Variants in SAFB observed in about 807,000 individuals in gnomAD.
SAFB encodes scaffold attachment factor B1.
Under a neutral mutation model 101.6 loss-of-function variants are expected in SAFB, and 15 were observed. The observed-to-expected ratio is 0.15, with a 90% confidence interval of 0.10 to 0.23. SAFB has a LOEUF of 0.23. Ranked by LOEUF, SAFB falls within the 10% of genes least tolerant of loss-of-function variation. The pLI is 1.00. For missense variants in SAFB, 930 were observed against 1,104.1 expected, an observed-to-expected ratio of 0.84 and a Z score of 2.23; for synonymous variants, 449 against 407.5, an observed-to-expected ratio of 1.10 and a Z score of -1.23.
intron 20 of SAFB, 104 bp from the exon 21 acceptor site, chr19:5,668,058 G>A (rs1295265600): frequency 7.3e-6 from 11 of 1,512,068 alleles, no homozygotes; most frequent in East Asian, 2.3e-5. Context: ...AGGGCATTAG[G>A]AAGGGGCCCT....
At chr19:5,638,503 A>C (rs752088738) in intron 2 of SAFB, among the ~76,000 whole-genome samples, 24 of 151,354 alleles carry the variant, frequency 1.6e-4, no homozygotes, top group Non-Finnish European at 3.5e-4. Flanking sequence ...TTGTATTTTT[A>C]GTAGAGCTGG....
intron 5 of SAFB, among the ~76,000 whole-genome samples, chr19:5,647,150 A>C (rs557448405): frequency 1.3e-5 from 2 of 152,334 alleles, no homozygotes; most frequent in African/African-American, 4.8e-5. Flanking sequence ...CATCATGTGG[A>C]AAAAGCTCCT....
In SAFB at chr19:5,625,791, A is replaced by T. The variant is rs10518245; in HGVS notation, c.190-614A>T. Among the ~76,000 whole-genome samples, 4 of 152,046 alleles carry T rather than the reference A, an allele frequency of 2.6e-5. No individual in the cohort carries two copies. In the East Asian group the frequency reaches 5.8e-4, roughly 22 times the overall value. ...ATGAGGCACAATCACCTAGTGGTTG[A>T]GAATGAGGTACTGGAGTCGGTTGTG... is the stretch of plus-strand genomic sequence containing the variant. On this transcript the variant is annotated intron_variant, in intron 1 of 20. Transcript: ENST00000588852.
At chr19:5,661,929 G>C (rs2145487679) in intron 15 of SAFB, 121 bp downstream of exon 15, 1 of 770,834 alleles carries the variant, frequency 1.3e-6, no homozygotes, top group East Asian at 2.7e-5. Context: ...TTGTCGCGGA[G>C]GCTGGAGTGC....
At chr19:5,636,618 AT>A (rs1258766138) in intron 2 of SAFB, among the ~76,000 whole-genome samples, 1 of 152,062 alleles carries the variant, frequency 6.6e-6, no homozygotes, top group Non-Finnish European at 1.5e-5. Context: ...TAGGTTTGGA[AT>A]TTTTGTCTTT....
chr19:5,649,818 C>T, intron 7 of SAFB, 108 bp from the exon 8 acceptor site: 1 of 1,009,642 alleles, frequency 9.9e-7, no homozygotes, highest in African/African-American at 1.6e-5. Context: ...ATCATTTTTT[C>T]AGAACTAAAT....
At chr19:5,629,952 A>C (rs2053453142) in intron 2 of SAFB, among the ~76,000 whole-genome samples, 2 of 152,140 alleles carry the variant, frequency 1.3e-5, no homozygotes, top group African/African-American at 4.8e-5. Context: ...TAAGGCAAGA[A>C]GATAGCTTGA....
intron 2 of SAFB, among the ~76,000 whole-genome samples, chr19:5,630,322 G>A (rs2053461319): frequency 6.6e-6 from 1 of 152,036 alleles, no homozygotes; most frequent in African/African-American, 2.4e-5. Flanking sequence ...TGGGTTGTTT[G>A]TCTTATTGAG....
chr19:5,626,493 T>C lies in SAFB; in HGVS notation c.274+4T>C. 1.9e-6 allele frequency: 3 copies of C among 1,562,388 alleles called. No homozygotes were observed. The highest frequency in any genetic ancestry group is 2.6e-6 in the Non-Finnish European group (3 of 1,135,388). ...ACATCAAAGAGGTCTAGCAAAGGTA[T>C]GGAGGATTTCATAAGCAAGTTTCAT... On this transcript the variant is annotated splice_donor_region_variant and intron_variant, in intron 2 of 20. Coordinates refer to ENST00000588852, the MANE Select transcript of SAFB (RefSeq NM_001201338.2).
rs188201392 is a variant in SAFB, at chr19:5,666,972, G to A, written c.2335-74G>A. On this transcript the variant is annotated intron_variant, in intron 17 of 20. Coordinates refer to ENST00000588852, the MANE Select transcript of SAFB (RefSeq NM_001201338.2). ...TGACTGTCGTTGTCATCGTTAGCATGTTGCCTGAAAAGCCTTGGGGTCTGG... is the reference window on the plus strand; with the variant it reads ...TGACTGTCGTTGTCATCGTTAGCATATTGCCTGAAAAGCCTTGGGGTCTGG... 1,804 of 900,804 alleles carry A rather than the reference G, an allele frequency of 2.0e-3. 9 individuals are homozygous for A. The highest frequency in any genetic ancestry group is 2.7e-3 in the Non-Finnish European group (1,440 of 529,550). The allele number at this position is 900,804 out of a possible 1,614,324, so 55.8% of individuals were successfully genotyped here. A position where few individuals can be genotyped will look rare whatever the true frequency, so the allele number is the denominator to read the frequency against.
At chr19:5,660,554 T>C (rs1168810852) in intron 14 of SAFB, among the ~76,000 whole-genome samples, 2 of 151,408 alleles carry the variant, frequency 1.3e-5, no homozygotes, top group Non-Finnish European at 2.9e-5. Flanking sequence ...AGGCTGTATA[T>C]CTATAACTGT....
At chr19:5,656,743 A>T (rs2054071425) in intron 13 of SAFB, among the ~76,000 whole-genome samples, 1 of 151,490 alleles carries the variant, frequency 6.6e-6, no homozygotes, top group Admixed American at 6.6e-5. Flanking sequence ...TGCCCAGCTA[A>T]TTTTTATTTT....
intron 2 of SAFB, among the ~76,000 whole-genome samples, chr19:5,628,053 C>T (rs2053406393): frequency 6.6e-6 from 1 of 152,112 alleles, no homozygotes; most frequent in Non-Finnish European, 1.5e-5. Context: ...GAGTTCGAGA[C>T]CAGCCTGGCC....
intron 14 of SAFB, among the ~76,000 whole-genome samples, chr19:5,660,838 G>A (rs549724117): frequency 2.6e-5 from 4 of 151,628 alleles, no homozygotes; most frequent in Admixed American, 6.6e-5. Flanking sequence ...CACTTGGGGG[G>A]CCTGCTAGCC....
At chr19:5,666,062 G>C (rs902368817) in intron 17 of SAFB, 1 of 152,230 alleles carries the variant, frequency 6.6e-6, no homozygotes, top group Non-Finnish European at 1.5e-5. Context: ...CAACCAGCCT[G>C]TGTCAAGGGG....
intron 14 of SAFB, among the ~76,000 whole-genome samples, chr19:5,660,419 C>T (rs1167284302): frequency 4.1e-5 from 5 of 122,042 alleles, no homozygotes; most frequent in African/African-American, 1.6e-4. Flanking sequence ...GTGGTGCAAT[C>T]ATAGTTCACT....
At chr19:5,630,754 C>CAAA (rs1027303210) in intron 2 of SAFB, among the ~76,000 whole-genome samples, 1 of 78,964 alleles carries the variant, frequency 1.3e-5, no homozygotes. Context: ...AGCTTCGTCT[C>CAAA]AAAAAAAAAA....
intron 9 of SAFB, among the ~76,000 whole-genome samples, chr19:5,652,691 G>A (rs996316100): frequency 1.2e-4 from 19 of 152,124 alleles, no homozygotes; most frequent in African/African-American, 4.6e-4. Context: ...TCCAGAGCAC[G>A]GCTCACAGAC....
At chr19:5,642,380 AG>A in intron 4 of SAFB, among the ~76,000 whole-genome samples, 1 of 152,142 alleles carries the variant, frequency 6.6e-6, no homozygotes. Context: ...CAGGAGTTCA[AG>A]GCTGTACTAA....
Sources: gnomAD v4.1 joint callset for allele counts (sites outside exome capture counted in the v4.1 genomes callset) on GRCh38, gnomAD v4.1.1 for gene constraint, MANE v1.5 for transcripts, NCBI Gene and HGNC (gene_info 2026-07-23, HGNC 2026-07-21) for gene names.